Variants in PCDH11X observed in about 807,000 individuals in gnomAD.
The protein encoded by PCDH11X is protocadherin-11 X-linked.
PCDH11X carries 18 observed loss-of-function variants against 53.3 expected under a neutral mutation model. That is an observed-to-expected ratio of 0.34 (90% CI 0.23 to 0.50). The LOEUF (loss-of-function observed/expected upper bound fraction) is 0.50, where lower values mean the gene tolerates loss of function less well. Ranked by LOEUF, PCDH11X falls within the 20% of genes least tolerant of loss-of-function variation. The pLI, the probability that PCDH11X is intolerant of heterozygous loss-of-function variation, is 0.98. For missense variants in PCDH11X, 570 were observed against 1,032.4 expected (o/e 0.55, Z 6.14); for synonymous variants, 279 against 393.3 (o/e 0.71, Z 3.44).
chrX:92,118,731 C>CTT (rs199880924), intron 6 of PCDH11X, among the ~76,000 whole-genome samples: 4,132 of 45,561 alleles, frequency 0.091, 1,172 homozygotes, highest in East Asian at 0.15. Context: ...ATAATGCAGT[C>CTT]TTTTTTTTTT....
At chrX:92,468,241 G>A (rs961158305) in intron 9 of PCDH11X, 58 bp from the exon 10 acceptor site, 168 of 990,863 alleles carry the variant, frequency 1.7e-4, no homozygotes, top group Non-Finnish European at 2.2e-4. Flanking sequence ...CTAATATAAT[G>A]TTGTAGAAAT....
intron 6 of PCDH11X, among the ~76,000 whole-genome samples, chrX:91,939,056 A>G (rs1259388567): frequency 1.8e-5 from 2 of 111,222 alleles, no homozygotes. Context: ...CTGAGAGCTG[A>G]CACAAATATT....
chrX:92,322,533 A>G (rs2069239631), intron 8 of PCDH11X, among the ~76,000 whole-genome samples: 1 of 111,469 alleles, frequency 9.0e-6, no homozygotes, highest in African/African-American at 3.3e-5. Flanking sequence ...AAGTCTTTAT[A>G]TCTTATTTAC....
intron 5 of PCDH11X, among the ~76,000 whole-genome samples, chrX:91,838,968 A>G (rs1330407396): frequency 4.4e-5 from 5 of 113,256 alleles, no homozygotes; most frequent in African/African-American, 1.6e-4. Context: ...GCATTGGTGG[A>G]AAATATTTAT....
At chrX:92,385,108 A>G (rs1219138274) in intron 8 of PCDH11X, among the ~76,000 whole-genome samples, 1 of 84,379 alleles carries the variant, frequency 1.2e-5, no homozygotes, top group Non-Finnish European at 2.5e-5. Flanking sequence ...CTGAGACTTT[A>G]GAGTTGAAGC....
At chrX:92,253,630 A>G (rs181400263) in intron 7 of PCDH11X, among the ~76,000 whole-genome samples, 1 of 111,523 alleles carries the variant, frequency 9.0e-6, no homozygotes, top group East Asian at 2.8e-4. Flanking sequence ...AGTGTTTTAT[A>G]GCTTTTATTA....
chrX:92,246,709 C>T (rs184738458), intron 7 of PCDH11X, among the ~76,000 whole-genome samples: 19 of 111,449 alleles, frequency 1.7e-4, no homozygotes, highest in African/African-American at 5.9e-4. Context: ...TAGTAGAAAT[C>T]TCTGTTTCTC....
intron 10 of PCDH11X, among the ~76,000 whole-genome samples, chrX:92,507,705 G>A (rs1306786966): frequency 8.9e-6 from 1 of 111,932 alleles, no homozygotes; most frequent in Non-Finnish European, 1.9e-5. Context: ...TGAACAGGAA[G>A]AGGAAGCACT....
chrX:92,265,607 G>A (rs553995752), intron 8 of PCDH11X, among the ~76,000 whole-genome samples: 14 of 111,549 alleles, frequency 1.3e-4, no homozygotes, highest in East Asian at 5.7e-4. Flanking sequence ...ATAGGTATGC[G>A]TACATATATA....
At chrX:91,998,441 C>T (rs746347059) in intron 6 of PCDH11X, among the ~76,000 whole-genome samples, 1 of 108,996 alleles carries the variant, frequency 9.2e-6, no homozygotes, top group Non-Finnish European at 1.9e-5. Context: ...CTTAGTCTAG[C>T]TAAAAGATTG....
At chrX:92,114,091 A>G (rs1167422264) in intron 6 of PCDH11X, 27 of 1,152,626 alleles carry the variant, frequency 2.3e-5, no homozygotes, top group Non-Finnish European at 3.1e-5. Flanking sequence ...CATGTAGTCT[A>G]CTAGTGCCAT....
intron 9 of PCDH11X, among the ~76,000 whole-genome samples, chrX:92,467,691 C>T (rs2073182663): frequency 9.0e-6 from 1 of 110,731 alleles, no homozygotes; most frequent in South Asian, 3.7e-4. Flanking sequence ...AATCTCTAAT[C>T]CCTTATGTCC....
At chrX:92,122,727 G>A (rs778242633) in intron 6 of PCDH11X, among the ~76,000 whole-genome samples, 2 of 110,512 alleles carry the variant, frequency 1.8e-5, no homozygotes, top group African/African-American at 3.3e-5. Context: ...ACCTGAGGTC[G>A]GGAGTTTGAG....
At chrX:92,409,670 C>T (rs2071601264) in intron 9 of PCDH11X, among the ~76,000 whole-genome samples, 1 of 112,072 alleles carries the variant, frequency 8.9e-6, no homozygotes, top group Non-Finnish European at 1.9e-5. Flanking sequence ...TATAAAATTG[C>T]AAAAGATGCA....
intron 10 of PCDH11X, among the ~76,000 whole-genome samples, chrX:92,532,658 T>TA (rs56364638): frequency 4.7e-4 from 47 of 100,190 alleles, no homozygotes; most frequent in Middle Eastern, 5.4e-3. Flanking sequence ...CTCCTTCATT[T>TA]AAAAAAAAAA....
At chrX:91,970,036 G>T (rs778985870) in intron 6 of PCDH11X, among the ~76,000 whole-genome samples, 1 of 110,821 alleles carries the variant, frequency 9.0e-6, no homozygotes. Flanking sequence ...TCAAGAAGTT[G>T]CAGACCATCA....
intron 6 of PCDH11X, chrX:91,883,911 T>C: frequency 1.3e-6 from 1 of 750,235 alleles, no homozygotes; most frequent in Non-Finnish European, 1.6e-6. Flanking sequence ...TATTTTTGGC[T>C]GGGTGTGGTG....
At chrX:92,208,589 A>G (rs1329559624) in intron 7 of PCDH11X, among the ~76,000 whole-genome samples, 1 of 89,263 alleles carries the variant, frequency 1.1e-5, no homozygotes, top group Non-Finnish European at 2.2e-5. Context: ...ATAGTTTTCT[A>G]TTCAGCTAGA....
chrX:92,299,390 GCT>G (rs1441666788), intron 8 of PCDH11X, among the ~76,000 whole-genome samples: 1 of 111,389 alleles, frequency 9.0e-6, no homozygotes, highest in East Asian at 2.8e-4. Context: ...AATGGTACTA[GCT>G]CCTCTTTACA....
Sources: allele counts gnomAD v4.1 joint callset (sites outside exome capture counted in the v4.1 genomes callset), GRCh38; gene constraint gnomAD v4.1.1; transcripts MANE v1.5; gene names NCBI Gene and HGNC (gene_info 2026-07-23, HGNC 2026-07-21).